UST: variants seen among roughly 807,000 people sequenced by gnomAD.
The protein encoded by UST is uronyl 2-sulfotransferase, also known as chondroitin sulfate 2-O-sulfotransferase.
In UST, 21 loss-of-function variants were observed where a neutral mutation model predicts 45.6. The observed-to-expected ratio is 0.46, with a 90% CI of 0.33 to 0.66. The LOEUF (loss-of-function observed/expected upper bound fraction) is 0.66, where lower values mean the gene tolerates loss of function less well. Among genes scored for constraint, UST ranks in the 30% least tolerant of loss-of-function variants. The pLI is 0.02. For synonymous variants in UST, 215 were observed against 200.6 expected, an observed-to-expected ratio of 1.07 and a Z score of -0.61; for missense variants, 463 against 512.4, an observed-to-expected ratio of 0.90 and a Z score of 0.93.
intron 1 of UST, among the ~76,000 whole-genome samples, chr6:148,757,605 A>C: frequency 6.6e-6 from 1 of 152,240 alleles, no homozygotes; most frequent in East Asian, 1.9e-4. Flanking sequence ...AATAACCTTA[A>C]GTCATGGCTT....
chr6:148,908,417 C>T (rs773243472), intron 2 of UST, among the ~76,000 whole-genome samples: 2 of 152,122 alleles, frequency 1.3e-5, no homozygotes, highest in Non-Finnish European at 2.9e-5. Context: ...AGTACATTAG[C>T]GAAGTCACCA....
intron 1 of UST, among the ~76,000 whole-genome samples, chr6:148,820,367 T>G (rs906881506): frequency 5.3e-5 from 8 of 152,222 alleles, no homozygotes; most frequent in African/African-American, 1.7e-4. Context: ...TATTTAATTT[T>G]CTGAACTATA....
chr6:148,842,385 C>A (rs1006675960), intron 1 of UST, among the ~76,000 whole-genome samples: 1 of 152,126 alleles, frequency 6.6e-6, no homozygotes, highest in Admixed American at 6.5e-5. Flanking sequence ...CTGTCTTACA[C>A]CAATCATTAT....
chr6:148,777,331 A>G (rs1235364417), intron 1 of UST, among the ~76,000 whole-genome samples: 1 of 152,180 alleles, frequency 6.6e-6, no homozygotes, highest in Non-Finnish European at 1.5e-5. Flanking sequence ...GAATTATGCA[A>G]TTTTCAGTTT....
chr6:148,894,000 C>T (rs1779071562), intron 2 of UST, among the ~76,000 whole-genome samples: 1 of 151,982 alleles, frequency 6.6e-6, no homozygotes, highest in Non-Finnish European at 1.5e-5. Flanking sequence ...GCCTGGGTGA[C>T]AGAGTGAGAC....
At chr6:148,985,579 CA>C (rs1299759909) in intron 5 of UST, among the ~76,000 whole-genome samples, 1 of 152,126 alleles carries the variant, frequency 6.6e-6, no homozygotes, top group African/African-American at 2.4e-5. Context: ...TTGGCAAGAG[CA>C]GTTTCCATTT....
intron 1 of UST, among the ~76,000 whole-genome samples, chr6:148,823,141 G>T (rs1777498219): frequency 6.6e-6 from 1 of 152,176 alleles, no homozygotes; most frequent in African/African-American, 2.4e-5. Flanking sequence ...TCTTTTAGTT[G>T]AAAAATGTAA....
intron 1 of UST, among the ~76,000 whole-genome samples, chr6:148,825,649 C>T (rs1269948963): frequency 1.3e-5 from 2 of 152,174 alleles, no homozygotes; most frequent in Non-Finnish European, 2.9e-5. Flanking sequence ...TGCTGGTATA[C>T]AAATCTCAAG....
chr6:148,926,997 C>T (rs1387544573), intron 2 of UST, among the ~76,000 whole-genome samples: 1 of 151,732 alleles, frequency 6.6e-6, no homozygotes, highest in Non-Finnish European at 1.5e-5. Flanking sequence ...TGAAAGAAAG[C>T]AATTAACAAT....
chr6:149,063,142 G>A (rs767290694), intron 7 of UST, among the ~76,000 whole-genome samples: 7 of 152,144 alleles, frequency 4.6e-5, no homozygotes, highest in Non-Finnish European at 8.8e-5. Flanking sequence ...CAGGGACAGC[G>A]CAGAGCCTGG....
chr6:148,776,976 CG>C (rs1371081470), intron 1 of UST, among the ~76,000 whole-genome samples: 19 of 152,250 alleles, frequency 1.2e-4, no homozygotes, highest in African/African-American at 4.3e-4. Flanking sequence ...AGTGGCTGGT[CG>C]TAGCAGCTCT....
intron 1 of UST, among the ~76,000 whole-genome samples, chr6:148,885,715 C>T (rs961174429): frequency 1.3e-5 from 2 of 152,138 alleles, no homozygotes; most frequent in Non-Finnish European, 2.9e-5. Flanking sequence ...AAGCCAGAAC[C>T]CGCTTATTTA....
intron 1 of UST, among the ~76,000 whole-genome samples, chr6:148,879,986 T>C (rs11965023): frequency 0.47 from 69,123 of 146,044 alleles, 18,103 homozygotes; most frequent in African/African-American, 0.71. Context: ...CTTGCTCTGT[T>C]GCCCAGGCTG....
chr6:148,790,011 A>G lies in UST; in HGVS notation c.247+42334A>G, dbSNP rs1776811199. On this transcript the variant is annotated intron_variant, in intron 1 of 7. Coordinates refer to ENST00000367463, the MANE Select transcript of UST (RefSeq NM_005715.3). The surrounding 1 kb of genome is among the most constrained non-coding windows in gnomAD (Gnocchi z 4.2). ...ATTCTTTTTTTTTTTTTTTTTTTCC[A>G]GCTTTAAGTGCCTATCCTTTTTGTC... Among the ~76,000 whole-genome samples, 1 of 103,098 alleles carries G rather than the reference A, an allele frequency of 9.7e-6. No individual in the cohort carries two copies. Among genetic ancestry groups the G allele is most frequent in the African/African-American group, 3.6e-5 (1 of 27,862 alleles). 67.6% of individuals were successfully genotyped at this position (103,098 alleles called of 152,430 possible). A position where few individuals can be genotyped will look rare whatever the true frequency, so the allele number is the denominator to read the frequency against.
At chr6:148,761,061 A>G (rs1776208053) in intron 1 of UST, among the ~76,000 whole-genome samples, 3 of 152,182 alleles carry the variant, frequency 2.0e-5, no homozygotes, top group Non-Finnish European at 2.9e-5. Flanking sequence ...AAGCTGTGGT[A>G]TTTGAGAATG....
Position 148,964,555 on chromosome 6 carries a change from C to G in UST, c.673C>G (p.Arg225Gly). ...IRTPSMRQEE[R>G]YLDINECILE... ...CACCCCCAGCATGAGGCAGGAGGAGCGCTACCTGGTAAGTCCTGTCGCATG... is the reference window on the plus strand; with the variant it reads ...CACCCCCAGCATGAGGCAGGAGGAGGGCTACCTGGTAAGTCCTGTCGCATG... Residue 225 changes from arginine (R) to glycine (G), a missense_variant, in exon 5 of 8, where the codon CGC becomes GGC. Physicochemically the swap from Arg to Gly is moderately radical, Grantham distance 125. Coordinates refer to ENST00000367463, the MANE Select transcript of UST (RefSeq NM_005715.3). 6.2e-7 allele frequency: 1 copy of G among 1,613,580 alleles called. No homozygotes were observed. The highest frequency in any genetic ancestry group is 8.5e-7 in the Non-Finnish European group (1 of 1,180,026).
chr6:148,800,296 G>A (rs930495219), intron 1 of UST, among the ~76,000 whole-genome samples: 7 of 152,146 alleles, frequency 4.6e-5, no homozygotes, highest in East Asian at 3.9e-4. Flanking sequence ...GCAAATTACC[G>A]AACACAGGGC....
chr6:148,772,306 G>A (rs778594547), intron 1 of UST, among the ~76,000 whole-genome samples: 1 of 152,148 alleles, frequency 6.6e-6, no homozygotes, highest in African/African-American at 2.4e-5. Flanking sequence ...AGTGTGAATC[G>A]CACTGGGTGG....
At chr6:148,978,782 A>C (rs1349101223) in intron 5 of UST, among the ~76,000 whole-genome samples, 2 of 152,180 alleles carry the variant, frequency 1.3e-5, no homozygotes, top group Admixed American at 1.3e-4. Flanking sequence ...TGGGACGTGT[A>C]TACCTGTGTA....
Sources: gnomAD v4.1 joint callset for allele counts (sites outside exome capture counted in the v4.1 genomes callset) on GRCh38, gnomAD v4.1.1 for gene constraint, Gnocchi (gnomAD v3.1) non-coding constraint, MANE v1.5 for transcripts, NCBI Gene and HGNC (gene_info 2026-07-23, HGNC 2026-07-21) for gene names.